DLG2: variants seen among roughly 807,000 people sequenced by gnomAD.
DLG2 encodes disks large homolog 2.
Under a neutral mutation model 132.5 loss-of-function variants are expected in DLG2, and 45 were observed. That is an observed-to-expected ratio of 0.34 (90% CI 0.27 to 0.44). The LOEUF (loss-of-function observed/expected upper bound fraction) is 0.44. DLG2 is among the 20% of genes least tolerant of loss of function. DLG2 has a pLI of 1.00. For missense variants in DLG2, 1,045 were observed against 1,196.9 expected (o/e 0.87, Z 1.87); for synonymous variants, 424 against 419.6 (o/e 1.01, Z -0.13).
intron 3 of DLG2, among the ~76,000 whole-genome samples, chr11:85,408,660 T>C (rs540611385): frequency 2.0e-5 from 3 of 150,622 alleles, no homozygotes; most frequent in Non-Finnish European, 4.4e-5. Flanking sequence ...GGTTTTTTGT[T>C]CTTGCGATAG....
chr11:85,150,010 ATTTTTTTTTT>A (rs962380618), intron 5 of DLG2, among the ~76,000 whole-genome samples: 2,055 of 112,278 alleles, frequency 0.018, 29 homozygotes, highest in Admixed American at 0.036. Flanking sequence ...TCAGTTTTTA[ATTTTTTTTTT>A]TTTTTTTTTT....
chr11:84,659,304 T>C (rs556983810), intron 6 of DLG2, among the ~76,000 whole-genome samples: 5 of 152,208 alleles, frequency 3.3e-5, no homozygotes, highest in African/African-American at 1.2e-4. Context: ...CTCTCTAAAG[T>C]GTGGGCTCTC....
chr11:83,459,096 A>G lies in DLG2; in HGVS notation c.*722T>C, dbSNP rs1565295403. 1 of 150,620 alleles carries G rather than the reference A, an allele frequency of 6.6e-6. No homozygotes were observed. The highest frequency in any genetic ancestry group is 1.5e-5 in the Non-Finnish European group (1 of 68,024). 9.3% of individuals were successfully genotyped at this position (150,620 alleles called of 1,614,324 possible). A position where few individuals can be genotyped will look rare whatever the true frequency, so the allele number is the denominator to read the frequency against. On this transcript the variant is annotated 3_prime_UTR_variant, in exon 28 of 28. Coordinates refer to ENST00000376104, the MANE Select transcript of DLG2 (RefSeq NM_001142699.3). ...ATAGAAATTTGTTTCTATACATTTA[A>G]TATATTTTTATTGTATAAATTATTC...
chr11:84,862,973 T>G (rs2154030812), intron 6 of DLG2, among the ~76,000 whole-genome samples: 1 of 152,072 alleles, frequency 6.6e-6, no homozygotes, highest in South Asian at 2.1e-4. Context: ...TAAAGTATAA[T>G]CTTAAAAAGA....
intron 24 of DLG2, among the ~76,000 whole-genome samples, chr11:83,470,620 T>C (rs906859927): frequency 1.3e-5 from 2 of 152,192 alleles, no homozygotes; most frequent in African/African-American, 4.8e-5. Flanking sequence ...ATTTGCTCCT[T>C]CCTGTCTGAA....
At chr11:85,494,174 T>C (rs1468165866) in intron 3 of DLG2, among the ~76,000 whole-genome samples, 1 of 152,188 alleles carries the variant, frequency 6.6e-6, no homozygotes, top group Admixed American at 6.5e-5. Context: ...GGGGATTAAG[T>C]TTCAACATGA....
chr11:85,550,447 G>A (rs149664084), intron 3 of DLG2, among the ~76,000 whole-genome samples: 4 of 152,344 alleles, frequency 2.6e-5, no homozygotes, highest in South Asian at 2.1e-4. Flanking sequence ...ACTCACCTGC[G>A]TGCTCCCTCC....
At chr11:85,307,851 C>A (rs1006618437) in intron 3 of DLG2, among the ~76,000 whole-genome samples, 1 of 152,018 alleles carries the variant, frequency 6.6e-6, no homozygotes, top group African/African-American at 2.4e-5. Context: ...GTTACAGGTG[C>A]TTATGTCAAA....
chr11:85,277,135 T>C (rs555824214), intron 4 of DLG2, among the ~76,000 whole-genome samples: 2 of 152,252 alleles, frequency 1.3e-5, no homozygotes, highest in African/African-American at 4.8e-5. Flanking sequence ...ACAGTAAAGA[T>C]TATGCTAAGG....
chr11:83,760,480 T>C (rs958133868), intron 18 of DLG2, among the ~76,000 whole-genome samples: 9 of 152,030 alleles, frequency 5.9e-5, no homozygotes, highest in African/African-American at 1.9e-4. Context: ...TTTTTTTTTT[T>C]TGGAGCTGGG....
intron 3 of DLG2, among the ~76,000 whole-genome samples, chr11:85,420,122 A>C (rs1412047792): frequency 1.3e-5 from 2 of 151,970 alleles, no homozygotes; most frequent in African/African-American, 4.8e-5. Flanking sequence ...TTTCATGTGC[A>C]TGTCCTTTTT....
intron 4 of DLG2, among the ~76,000 whole-genome samples, chr11:85,195,226 C>T (rs2080939835): frequency 6.6e-6 from 1 of 152,026 alleles, no homozygotes; most frequent in Admixed American, 6.6e-5. Flanking sequence ...TTAGCGGAGG[C>T]AAAGGGGAAG....
intron 7 of DLG2, among the ~76,000 whole-genome samples, chr11:84,365,629 G>T (rs1050485163): frequency 1.3e-5 from 2 of 151,882 alleles, no homozygotes; most frequent in East Asian, 3.9e-4. Context: ...GATCTTTCCT[G>T]CTTTCTCTTG....
At chr11:84,664,387 A>G (rs971346718) in intron 6 of DLG2, among the ~76,000 whole-genome samples, 6 of 152,202 alleles carry the variant, frequency 3.9e-5, no homozygotes, top group African/African-American at 1.4e-4. Context: ...GAATATAATG[A>G]AAATGACAAC....
intron 6 of DLG2, among the ~76,000 whole-genome samples, chr11:84,581,511 C>T (rs1246174678): frequency 6.6e-6 from 1 of 152,168 alleles, no homozygotes; most frequent in Admixed American, 6.5e-5. Flanking sequence ...CTCTGCTAAG[C>T]TATTTCTCAA....
chr11:85,114,273 A>G (rs1478741397), intron 5 of DLG2, among the ~76,000 whole-genome samples: 1 of 151,938 alleles, frequency 6.6e-6, no homozygotes, highest in Admixed American at 6.6e-5. Flanking sequence ...AGCTCCTTAG[A>G]AGCCCAGCTA....
At position 84,667,728 on chromosome 11, in the gene DLG2, A is replaced by T. The variant is rs1247414428; in HGVS notation, c.358-132997T>A. On this transcript the variant is annotated intron_variant, in intron 6 of 27. Transcript: ENST00000376104. ...TGGCCAGGCTGGTTTTGAACTCCTG[A>T]CCTCGAGTGATCCGCCCACCTCATT... Among the ~76,000 whole-genome samples, 3 of 151,688 alleles carry T rather than the reference A, an allele frequency of 2.0e-5. 1 individual carries two copies. Among genetic ancestry groups the T allele is most frequent in the Admixed American group, 2.0e-4 (3 of 15,228 alleles).
chr11:84,396,480 G>A (rs12274848), intron 7 of DLG2, among the ~76,000 whole-genome samples: 22,552 of 152,012 alleles, frequency 0.15, 2,420 homozygotes, highest in African/African-American at 0.3. Context: ...CTTTTGTTTC[G>A]TGCATGGGCA....
chr11:84,748,786 C>T (rs1263839359), intron 6 of DLG2, among the ~76,000 whole-genome samples: 1 of 152,124 alleles, frequency 6.6e-6, no homozygotes, highest in Non-Finnish European at 1.5e-5. Context: ...TTTTAAAATA[C>T]TTGGCTACTA....
Sources: allele counts gnomAD v4.1 joint callset (sites outside exome capture counted in the v4.1 genomes callset), GRCh38; gene constraint gnomAD v4.1.1; transcripts MANE v1.5; gene names NCBI Gene and HGNC (gene_info 2026-07-23, HGNC 2026-07-21).